PCDHGB4: variants seen among roughly 807,000 people sequenced by gnomAD.
PCDHGB4 encodes the protein protocadherin gamma-B4.
A neutral mutation model predicts 60.5 loss-of-function variants in PCDHGB4; 38 were observed. The observed-to-expected ratio is 0.63, with a 90% CI of 0.48 to 0.82. The LOEUF is 0.82. Among genes scored for constraint, PCDHGB4 ranks in the 40% least tolerant of loss-of-function variants. The probability of loss-of-function intolerance (pLI) is 0.00; values close to 1 mark genes in which losing one functional copy is unlikely to be tolerated. For synonymous variants in PCDHGB4, 456 were observed against 509.7 expected (o/e 0.89, Z 1.42); for missense variants, 1,109 against 1,209.6 (o/e 0.92, Z 1.23).
chr5:141,394,004 A>C (rs1220367944), intron 1 of PCDHGB4: 3 of 1,613,496 alleles, frequency 1.9e-6, no homozygotes. Flanking sequence ...TAGAAAAGTC[A>C]ATAGGTAATT....
intron 2 of PCDHGB4, among the ~76,000 whole-genome samples, chr5:141,499,940 G>A (rs1158937971): frequency 4.0e-5 from 6 of 151,722 alleles, no homozygotes; most frequent in Non-Finnish European, 8.8e-5. Flanking sequence ...CACCCTCCTC[G>A]GCCTCCCAAA....
At chr5:141,407,179 C>T (rs566759065) in intron 1 of PCDHGB4, among the ~76,000 whole-genome samples, 2 of 152,256 alleles carry the variant, frequency 1.3e-5, no homozygotes, top group South Asian at 2.1e-4. Context: ...GACATACAGA[C>T]ATTTTAATTA....
At chr5:141,439,215 G>A (rs1319217047) in intron 1 of PCDHGB4, among the ~76,000 whole-genome samples, 2 of 151,488 alleles carry the variant, frequency 1.3e-5, no homozygotes, top group African/African-American at 4.9e-5. Flanking sequence ...ATCCATATGT[G>A]AAAATTCTTA....
intron 1 of PCDHGB4, chr5:141,410,011 G>T (rs2095347816): frequency 6.2e-7 from 1 of 1,613,184 alleles, no homozygotes; most frequent in South Asian, 1.1e-5. Context: ...ACAACGCCTG[G>T]CTGTCCTACC....
At chr5:141,428,034 T>A (rs768728101) in intron 1 of PCDHGB4, 8 of 1,607,778 alleles carry the variant, frequency 5.0e-6, no homozygotes, top group Middle Eastern at 1.7e-4. Context: ...AGAGTCCGGC[T>A]ACCTGGTGAC....
At chr5:141,394,016 T>C in intron 1 of PCDHGB4, 1 of 1,613,452 alleles carries the variant, frequency 6.2e-7, no homozygotes, top group Non-Finnish European at 8.5e-7. Context: ...TAGGTAATTA[T>C]TATAGATTAG....
Position 141,490,772 on chromosome 5 carries a change from C to T in PCDHGB4, c.2398-4035C>T. ...GCCTCCTCCTTTGTGTATGTCAACC[C>T]AGAGGATGGACGGATCTTTGCCCAG... On this transcript the variant is annotated intron_variant, in intron 1 of 3. Coordinates refer to ENST00000519479, the MANE Select transcript of PCDHGB4 (RefSeq NM_003736.4). This position sits in a 1 kb window ranked among gnomAD's most constrained non-coding sequence, Gnocchi z 5.4. 6.2e-7 allele frequency: 1 copy of T among 1,614,164 alleles called. No homozygotes were observed. The highest frequency in any genetic ancestry group is 1.1e-5 in the South Asian group (1 of 91,082).
rs551396089 is a variant in PCDHGB4, at chr5:141,423,798, A to T, written c.2397+33517A>T. On this transcript the variant is annotated intron_variant, in intron 1 of 3. Coordinates refer to ENST00000519479, the MANE Select transcript of PCDHGB4 (RefSeq NM_003736.4). ...TATTTAGTTCATATATATTTAGAGC[A>T]ATACATGTGAGTTTTACTTTGCCTT... is the stretch of plus-strand genomic sequence containing the variant. 3.3e-6 allele frequency: 4 copies of T among 1,222,280 alleles called. No homozygotes were observed. The South Asian group carries it at 1.1e-4, about 33-fold the overall frequency. 75.7% of individuals were successfully genotyped at this position (1,222,280 alleles called of 1,614,324 possible). A position where few individuals can be genotyped will look rare whatever the true frequency, so the allele number is the denominator to read the frequency against.
intron 1 of PCDHGB4, chr5:141,404,371 C>G (rs374054833): frequency 1.5e-5 from 25 of 1,613,774 alleles, no homozygotes; most frequent in Non-Finnish European, 2.0e-5. Context: ...CCATCTTCTC[C>G]GTGATTGCCT....
In PCDHGB4 at chr5:141,486,370, T is replaced by A; in HGVS notation, c.2398-8437T>A. On this transcript the variant is annotated intron_variant, in intron 1 of 3. Transcript: ENST00000519479. This position sits in a 1 kb window ranked among gnomAD's most constrained non-coding sequence, Gnocchi z 5.0. ...ACCACTTGCCATTTGCCCTCAAGTC[T>A]GCCTTCAGGAACCAGTTCTCCCTGG... 1 of 1,614,106 alleles carries A rather than the reference T, an allele frequency of 6.2e-7. No homozygotes were observed. The highest frequency in any genetic ancestry group is 8.5e-7 in the Non-Finnish European group (1 of 1,179,986).
chr5:141,505,246 G>GAAGT, intron 2 of PCDHGB4, 147 bp from the exon 3 acceptor site: 3 of 1,436,674 alleles, frequency 2.1e-6, no homozygotes, highest in Non-Finnish European at 2.8e-6. Context: ...AAGGATTGTA[G>GAAGT]AAGTGCCTCC....
Position 141,432,466 on chromosome 5 carries a change from G to A in PCDHGB4, c.2397+42185G>A, listed in dbSNP as rs149116648. 5.7e-4 allele frequency: 913 copies of A among 1,614,208 alleles called. 6 individuals carry two copies. In the African/African-American group the frequency reaches 0.011, roughly 19 times the overall value. On this transcript the variant is annotated intron_variant, in intron 1 of 3. Transcript: ENST00000519479. This position sits in a 1 kb window ranked among gnomAD's most constrained non-coding sequence, Gnocchi z 6.0. The stretch of plus-strand genomic sequence containing the variant: ...AGATCCTGTACCCCGCCCTCCCCAC[G>A]GACGGTTCCACTGGCGTGGAGCTGG...
chr5:141,408,636 C>T (rs1236637669), intron 1 of PCDHGB4: 2 of 1,614,024 alleles, frequency 1.2e-6, no homozygotes. Flanking sequence ...ATTTTCGAAT[C>T]TGCATCCGCT....
chr5:141,468,419 G>A (rs1733006381), intron 1 of PCDHGB4: 1 of 151,826 alleles, frequency 6.6e-6, no homozygotes, highest in Admixed American at 6.6e-5. Flanking sequence ...AAGTTAGATA[G>A]CAAGGTAATA....
intron 1 of PCDHGB4, chr5:141,478,860 A>C: frequency 1.9e-5 from 25 of 1,331,544 alleles, no homozygotes; most frequent in Middle Eastern, 2.6e-4. Context: ...ACAAGATCTC[A>C]GCGATCAGAG....
intron 1 of PCDHGB4, among the ~76,000 whole-genome samples, chr5:141,454,796 ATTTTTTTTT>A (rs61612330): frequency 1.2e-4 from 9 of 77,408 alleles, no homozygotes; most frequent in Admixed American, 5.4e-4. Context: ...CATGGTTCTA[ATTTTTTTTT>A]TTTTTTTTTT....
intron 1 of PCDHGB4, chr5:141,423,189 T>A (rs2096719374): frequency 1.2e-6 from 2 of 1,613,562 alleles, no homozygotes; most frequent in Non-Finnish European, 8.5e-7. Flanking sequence ...GCCAGCCCCC[T>A]CTCTCGGCCA....
rs1326004540 is a variant in PCDHGB4 at position 141,477,117 on chromosome 5, C to T, written c.2398-17690C>T. Reference sequence around the variant, plus strand: ...GACAAGGGCGCCAATCCCGAAGGAGCACATTGCAAAGTGTTGGTGGAGGTT... The same window carrying T: ...GACAAGGGCGCCAATCCCGAAGGAGTACATTGCAAAGTGTTGGTGGAGGTT... On this transcript the variant is annotated intron_variant, in intron 1 of 3. Coordinates refer to ENST00000519479, the MANE Select transcript of PCDHGB4 (RefSeq NM_003736.4). The surrounding 1 kb of genome is among the most constrained non-coding windows in gnomAD (Gnocchi z 4.9). 1.2e-6 allele frequency: 2 copies of T among 1,614,246 alleles called. No homozygotes were observed. Among genetic ancestry groups the T allele is most frequent in the East Asian group, 4.5e-5 (2 of 44,886 alleles).
chr5:141,461,864 C>T (rs911351082), intron 1 of PCDHGB4, among the ~76,000 whole-genome samples: 5 of 151,900 alleles, frequency 3.3e-5, no homozygotes, highest in African/African-American at 9.7e-5. Context: ...GCTCTTGTTG[C>T]CCAGGCTGGA....
Sources: allele counts gnomAD v4.1 joint callset (sites outside exome capture counted in the v4.1 genomes callset), GRCh38; gene constraint gnomAD v4.1.1; non-coding constraint Gnocchi (gnomAD v3.1); transcripts MANE v1.5; gene names NCBI Gene and HGNC (gene_info 2026-07-23, HGNC 2026-07-21).